The following USP10 variants were observed in gnomAD, a reference collection of about 807,000 sequenced individuals.
USP10 encodes the protein ubiquitin specific peptidase 10, also known as ubiquitin carboxyl-terminal hydrolase 10.
Under a neutral mutation model 84.5 loss-of-function variants are expected in USP10, and 22 were observed. The ratio of observed to expected loss-of-function variants is 0.26; its 90% CI spans 0.19 to 0.37. The LOEUF is 0.37. Among genes scored for constraint, USP10 ranks in the 10% least tolerant of loss-of-function variants. The pLI is 1.00. For synonymous variants in USP10, 454 were observed against 387.6 expected, an observed-to-expected ratio of 1.17 and a Z score of -2.01; for missense variants, 1,019 against 998.9, an observed-to-expected ratio of 1.02 and a Z score of -0.27.
chr16:84,712,935 T>G (rs1026051917), intron 1 of USP10, among the ~76,000 whole-genome samples: 2 of 152,190 alleles, frequency 1.3e-5, no homozygotes, highest in African/African-American at 4.8e-5. Flanking sequence ...TGCTTGGCTG[T>G]GGGGGCTCCG....
At chr16:84,723,953 C>T (rs1313568931) in intron 1 of USP10, among the ~76,000 whole-genome samples, 3 of 152,190 alleles carry the variant, frequency 2.0e-5, no homozygotes, top group African/African-American at 7.2e-5. Flanking sequence ...TTGGTTTCAT[C>T]TTCCATTTCT....
intron 11 of USP10, among the ~76,000 whole-genome samples, chr16:84,770,119 A>G (rs1394636731): frequency 1.3e-5 from 2 of 152,184 alleles, no homozygotes; most frequent in African/African-American, 4.8e-5. Flanking sequence ...AAACATAAGA[A>G]GAAATAAAAA....
chr16:84,711,116 G>A (rs751920301), intron 1 of USP10, among the ~76,000 whole-genome samples: 58 of 152,264 alleles, frequency 3.8e-4, no homozygotes, highest in African/African-American at 1.1e-3. Context: ...CTGTCATGTC[G>A]TGTCTTCAGA....
rs556308001 is a variant in USP10 at position 84,704,976 on chromosome 16, A to G, written c.21+4865A>G. 8 of 1,421,054 alleles carry G rather than the reference A, an allele frequency of 5.6e-6. No homozygotes were observed. In the South Asian group the frequency reaches 6.2e-5, roughly 11 times the overall value. The allele number at this position is 1,421,054 out of a possible 1,614,324, so 88.0% of individuals were successfully genotyped here. ...GAATGTGCATGTGGAGTGCGGGCCCAGCACCTGCTACCGTCTGCGCTGTAA... is the reference window on the plus strand; with the variant it reads ...GAATGTGCATGTGGAGTGCGGGCCCGGCACCTGCTACCGTCTGCGCTGTAA... On this transcript the variant is annotated intron_variant, in intron 1 of 13. Coordinates refer to ENST00000219473, the MANE Select transcript of USP10 (RefSeq NM_005153.3).
intron 4 of USP10, among the ~76,000 whole-genome samples, chr16:84,752,902 A>C (rs1597369093): frequency 6.6e-6 from 1 of 152,334 alleles, no homozygotes; most frequent in Admixed American, 6.5e-5. Flanking sequence ...ATCTTTGACA[A>C]TAAGTATTTA....
At chr16:84,700,939 T>C (rs1332730979) in intron 1 of USP10, among the ~76,000 whole-genome samples, 1 of 152,110 alleles carries the variant, frequency 6.6e-6, no homozygotes, top group African/African-American at 2.4e-5. Flanking sequence ...TTATAATTAT[T>C]CTGGACAAAA....
chr16:84,759,802 G>C, intron 6 of USP10, 89 bp from the exon 7 acceptor site: 1 of 1,305,652 alleles, frequency 7.7e-7, no homozygotes, highest in African/African-American at 1.5e-5. Flanking sequence ...TACTCGTATA[G>C]CTGATATTCT....
At chr16:84,759,512 TTTCCCG>T (rs1202944215) in intron 6 of USP10, 40 bp downstream of exon 6, 3 of 1,550,466 alleles carry the variant, frequency 1.9e-6, no homozygotes, top group Non-Finnish European at 2.7e-6. Flanking sequence ...TGGTGGGGTT[TTTCCCG>T]TCTGATAATT....
intron 4 of USP10, among the ~76,000 whole-genome samples, chr16:84,748,954 C>T (rs1911576951): frequency 6.6e-6 from 1 of 152,240 alleles, no homozygotes; most frequent in Non-Finnish European, 1.5e-5. Flanking sequence ...TTGGTTAGGT[C>T]AGTTATGAAG....
intron 1 of USP10, among the ~76,000 whole-genome samples, chr16:84,720,775 G>A (rs762958912): frequency 6.6e-6 from 1 of 150,626 alleles, no homozygotes; most frequent in African/African-American, 2.4e-5. Flanking sequence ...ATAGAGACGG[G>A]GTTTCACCGT....
intron 10 of USP10, 142 bp from the exon 11 acceptor site, chr16:84,768,051 G>A (rs568010157): frequency 1.2e-6 from 1 of 818,266 alleles, no homozygotes; most frequent in Non-Finnish European, 1.9e-6. Flanking sequence ...TTTAAATTCA[G>A]TATATTTTTG....
At chr16:84,711,408 A>G (rs192901158) in intron 1 of USP10, among the ~76,000 whole-genome samples, 61 of 152,312 alleles carry the variant, frequency 4.0e-4, no homozygotes, top group African/African-American at 1.2e-3. Context: ...GATGTCCCAG[A>G]GAACTGGAAC....
rs1439781851 is a variant in USP10, at chr16:84,733,517, T to G, written c.90+14T>G. ...TCTTCAGTTGAGGTAAGACAAAACT[T>G]TGTTTTAGTGAGTCCGTGGGTAGAT... On this transcript the variant is annotated intron_variant, in intron 2 of 13. Coordinates refer to ENST00000219473, the MANE Select transcript of USP10 (RefSeq NM_005153.3). The G allele has an allele frequency of 6.3e-6, 10 of 1,598,726 alleles. No individual in the cohort carries two copies. Among genetic ancestry groups the G allele is most frequent in the Non-Finnish European group, 8.5e-6 (10 of 1,170,702 alleles).
At chr16:84,743,518 T>G (rs1007836362) in intron 3 of USP10, among the ~76,000 whole-genome samples, 10 of 152,360 alleles carry the variant, frequency 6.6e-5, no homozygotes, top group Admixed American at 6.5e-4. Context: ...ACACCGTTCT[T>G]TGGGTATTAG....
At chr16:84,723,079 G>T (rs904139530) in intron 1 of USP10, among the ~76,000 whole-genome samples, 1 of 152,026 alleles carries the variant, frequency 6.6e-6, no homozygotes, top group Non-Finnish European at 1.5e-5. Flanking sequence ...GTCAAAGATG[G>T]GGGGTGGGGA....
At chr16:84,726,555 A>G (rs533317847) in intron 1 of USP10, among the ~76,000 whole-genome samples, 2 of 152,330 alleles carry the variant, frequency 1.3e-5, no homozygotes, top group African/African-American at 2.4e-5. Flanking sequence ...TCAGGGAGGA[A>G]GGTGTCTTTT....
chr16:84,746,799 GT>G (rs1911277781), intron 4 of USP10, among the ~76,000 whole-genome samples: 2 of 152,092 alleles, frequency 1.3e-5, no homozygotes, highest in South Asian at 4.1e-4. Context: ...TTAACCTACT[GT>G]AACTTTTTTA....
intron 1 of USP10, among the ~76,000 whole-genome samples, chr16:84,731,876 T>C (rs904274601): frequency 2.0e-5 from 3 of 152,170 alleles, no homozygotes; most frequent in Non-Finnish European, 4.4e-5. Flanking sequence ...GAAATTCATA[T>C]CATCTTTTCC....
chr16:84,726,768 T>C (rs1414107708), intron 1 of USP10, among the ~76,000 whole-genome samples: 3 of 152,240 alleles, frequency 2.0e-5, no homozygotes, highest in Non-Finnish European at 4.4e-5. Context: ...ACAGTCTTAC[T>C]TCCCCTAAAA....
Sources: gnomAD v4.1 joint callset for allele counts (sites outside exome capture counted in the v4.1 genomes callset) on GRCh38, gnomAD v4.1.1 for gene constraint, MANE v1.5 for transcripts, NCBI Gene and HGNC (gene_info 2026-07-23, HGNC 2026-07-21) for gene names.